The following RIMS1 variants were observed in gnomAD, a reference collection of about 807,000 sequenced individuals.
RIMS1 encodes regulating synaptic membrane exocytosis protein 1.
A neutral mutation model predicts 214.1 loss-of-function variants in RIMS1; 83 were observed. The observed-to-expected ratio is 0.39, with a 90% CI of 0.32 to 0.47. RIMS1 has a LOEUF of 0.47. RIMS1 is among the 20% of genes least tolerant of loss of function. RIMS1 has a pLI of 0.99. For missense variants in RIMS1, 2,050 were observed against 2,161.8 expected, an observed-to-expected ratio of 0.95 and a Z score of 1.03; for synonymous variants, 793 against 786.8, an observed-to-expected ratio of 1.01 and a Z score of -0.13.
intron 23 of RIMS1, among the ~76,000 whole-genome samples, chr6:72,280,610 A>G (rs2154211534): frequency 6.6e-6 from 1 of 152,186 alleles, no homozygotes; most frequent in South Asian, 2.1e-4. Flanking sequence ...TTATCTTTAG[A>G]AGAATCTTTA....
chr6:71,952,177 C>T (rs1789808834), intron 1 of RIMS1, among the ~76,000 whole-genome samples: 1 of 152,046 alleles, frequency 6.6e-6, no homozygotes, highest in Admixed American at 6.6e-5. Flanking sequence ...TAGGAAAAGC[C>T]TTGTGAATCT....
chr6:71,911,879 T>C (rs959350575), intron 1 of RIMS1, among the ~76,000 whole-genome samples: 1 of 152,160 alleles, frequency 6.6e-6, no homozygotes, highest in East Asian at 1.9e-4. Flanking sequence ...ACATTTGATA[T>C]TTCTTAAATT....
intron 1 of RIMS1, among the ~76,000 whole-genome samples, chr6:71,963,617 C>A (rs1261167771): frequency 1.3e-5 from 2 of 152,072 alleles, no homozygotes; most frequent in African/African-American, 4.8e-5. Flanking sequence ...ATTAAAGAGT[C>A]CTTTCCACTA....
Position 71,918,766 on chromosome 6 carries a change from A to T in RIMS1, c.164+31579A>T, listed in dbSNP as rs527984327. On this transcript the variant is annotated intron_variant, in intron 1 of 33. Coordinates refer to ENST00000521978, the MANE Select transcript of RIMS1 (RefSeq NM_014989.7). The stretch of plus-strand genomic sequence containing the variant: ...CTTGAGCAGAAAAGAGGAAGAAAAG[A>T]CTATAGAGCCAGGACAGTTCATGCA... Among the ~76,000 whole-genome samples the T allele has an allele frequency of 2.6e-5, 4 of 152,204 alleles. No homozygotes were observed. In the East Asian group the frequency reaches 7.8e-4, roughly 30 times the overall value.
intron 1 of RIMS1, among the ~76,000 whole-genome samples, chr6:71,968,740 G>T (rs189454758): frequency 6.6e-6 from 1 of 152,290 alleles, no homozygotes; most frequent in Admixed American, 6.5e-5. Context: ...TCATGTTATT[G>T]ATGCTAAAAG....
intron 2 of RIMS1, among the ~76,000 whole-genome samples, chr6:72,070,219 A>G (rs2152297081): frequency 6.6e-6 from 1 of 152,328 alleles, no homozygotes; most frequent in East Asian, 1.9e-4. Context: ...ATTTAATAAA[A>G]GAGGTCATTT....
intron 22 of RIMS1, among the ~76,000 whole-genome samples, chr6:72,271,649 G>GA (rs751808189): frequency 8.5e-5 from 13 of 152,072 alleles, no homozygotes; most frequent in Non-Finnish European, 1.6e-4. Flanking sequence ...ATGCCTGGGG[G>GA]AGAGGGAAGA....
intron 1 of RIMS1, among the ~76,000 whole-genome samples, chr6:71,914,316 A>G (rs1440889876): frequency 1.3e-5 from 2 of 152,106 alleles, no homozygotes; most frequent in African/African-American, 4.8e-5. Context: ...TCCTTCTGAC[A>G]AACAGGAAGT....
chr6:72,080,074 T>TA (rs770845471), intron 2 of RIMS1, among the ~76,000 whole-genome samples: 2,127 of 22,434 alleles, frequency 0.095, 363 homozygotes, highest in Middle Eastern at 0.14. Flanking sequence ...GTGTCTCTAC[T>TA]AAAAAAAAAA....
intron 2 of RIMS1, among the ~76,000 whole-genome samples, chr6:72,038,118 A>AAAAAAAATATATAT (rs1820399900): frequency 7.5e-5 from 1 of 13,418 alleles, no homozygotes; most frequent in African/African-American, 3.3e-4. Context: ...AAAAAAAAAA[A>AAAAAAAATATATAT]ATATATATAT....
At chr6:72,251,155 T>C (rs2073121650) in intron 14 of RIMS1, 60 bp from the exon 15 acceptor site, 4 of 1,555,402 alleles carry the variant, frequency 2.6e-6, no homozygotes, top group Non-Finnish European at 3.5e-6. Flanking sequence ...TTTATTATGA[T>C]TACTATTACA....
intron 1 of RIMS1, among the ~76,000 whole-genome samples, chr6:71,903,335 G>T (rs1412099702): frequency 6.6e-6 from 1 of 152,080 alleles, no homozygotes; most frequent in Non-Finnish European, 1.5e-5. Context: ...TTCTTTAAAA[G>T]TGTCTGTTCA....
At chr6:72,327,208 G>T (rs982846351) in intron 28 of RIMS1, among the ~76,000 whole-genome samples, 1 of 151,656 alleles carries the variant, frequency 6.6e-6, no homozygotes, top group Non-Finnish European at 1.5e-5. Context: ...GGCTGAATGC[G>T]TATAGACACT....
chr6:72,263,677 TC>T, intron 19 of RIMS1: 1 of 985,338 alleles, frequency 1.0e-6, no homozygotes, highest in South Asian at 4.7e-5. Flanking sequence ...GGAGGCTAAA[TC>T]CTTAGTTTCA....
At chr6:72,169,133 G>T (rs150687677) in intron 4 of RIMS1, among the ~76,000 whole-genome samples, 1 of 152,272 alleles carries the variant, frequency 6.6e-6, no homozygotes, top group African/African-American at 2.4e-5. Flanking sequence ...TAGAAATTAT[G>T]ATTTTAGAGT....
intron 29 of RIMS1, among the ~76,000 whole-genome samples, chr6:72,378,788 G>T (rs544733443): frequency 6.6e-6 from 1 of 152,268 alleles, no homozygotes; most frequent in Non-Finnish European, 1.5e-5. Context: ...GCAGTGAGCC[G>T]AGATCATGCC....
intron 2 of RIMS1, among the ~76,000 whole-genome samples, chr6:72,080,721 T>G (rs1454799749): frequency 6.6e-6 from 1 of 152,178 alleles, no homozygotes; most frequent in Non-Finnish European, 1.5e-5. Flanking sequence ...GGCTCCCACC[T>G]CAGGCCTTTC....
intron 29 of RIMS1, among the ~76,000 whole-genome samples, chr6:72,376,075 G>A (rs1271088006): frequency 6.6e-6 from 1 of 152,098 alleles, no homozygotes; most frequent in Non-Finnish European, 1.5e-5. Context: ...GTTTTGGAGG[G>A]ACTGACCCTA....
intron 2 of RIMS1, among the ~76,000 whole-genome samples, chr6:71,974,387 C>A (rs1308279762): frequency 6.6e-6 from 1 of 152,174 alleles, no homozygotes; most frequent in African/African-American, 2.4e-5. Flanking sequence ...GGACAGTTAT[C>A]TAATTTGGAG....
Sources: allele counts gnomAD v4.1 joint callset (sites outside exome capture counted in the v4.1 genomes callset), GRCh38; gene constraint gnomAD v4.1.1; transcripts MANE v1.5; gene names NCBI Gene and HGNC (gene_info 2026-07-23, HGNC 2026-07-21).